EDIL3: variants seen among roughly 807,000 people sequenced by gnomAD.
EDIL3 encodes the protein EGF like and discoidin domains 3.
Under a neutral mutation model 67.4 loss-of-function variants are expected in EDIL3, and 37 were observed. That is an observed-to-expected ratio of 0.55 (90% confidence interval 0.42 to 0.72). EDIL3 has a LOEUF of 0.72. Ranked by LOEUF, EDIL3 falls within the 30% of genes least tolerant of loss-of-function variation. EDIL3 has a pLI of 0.00. For missense variants in EDIL3, 527 were observed against 586.3 expected (o/e 0.90, Z 1.04); for synonymous variants, 195 against 196.3 (o/e 0.99, Z 0.05).
At chr5:84,105,371 T>A (rs901599283) in intron 6 of EDIL3, among the ~76,000 whole-genome samples, 19 of 152,056 alleles carry the variant, frequency 1.2e-4, no homozygotes, top group Non-Finnish European at 2.1e-4. Context: ...AAGAAATGTT[T>A]ATGAGACATA....
intron 6 of EDIL3, among the ~76,000 whole-genome samples, chr5:84,102,326 G>T (rs1183546985): frequency 6.6e-6 from 1 of 151,962 alleles, no homozygotes; most frequent in Non-Finnish European, 1.5e-5. Flanking sequence ...GGGCAATCAG[G>T]CAAGAGAAAA....
chr5:84,038,938 G>A (rs1353706181), intron 9 of EDIL3, among the ~76,000 whole-genome samples: 3 of 152,152 alleles, frequency 2.0e-5, no homozygotes, highest in Non-Finnish European at 1.5e-5. Context: ...GGCACATGCA[G>A]CATATTTTAT....
chr5:84,233,665 A>C (rs1409472738), intron 2 of EDIL3, among the ~76,000 whole-genome samples: 1 of 152,146 alleles, frequency 6.6e-6, no homozygotes, highest in African/African-American at 2.4e-5. Flanking sequence ...AGATATAGGC[A>C]TGTGACCCAT....
intron 4 of EDIL3, among the ~76,000 whole-genome samples, chr5:84,144,518 C>T (rs1318140730): frequency 6.6e-6 from 1 of 152,058 alleles, no homozygotes; most frequent in African/African-American, 2.4e-5. Flanking sequence ...ATTGGTCTGG[C>T]AGACTAGGGG....
intron 2 of EDIL3, among the ~76,000 whole-genome samples, chr5:84,250,147 G>T (rs1473542168): frequency 6.6e-6 from 1 of 152,190 alleles, no homozygotes; most frequent in East Asian, 1.9e-4. Flanking sequence ...TGGTTAATCT[G>T]GGTAATGCCT....
intron 2 of EDIL3, among the ~76,000 whole-genome samples, chr5:84,238,665 G>GTTTTTTTTTTTTTTTTT (rs3046880): frequency 9.9e-6 from 1 of 101,106 alleles, no homozygotes; most frequent in Non-Finnish European, 1.8e-5. Flanking sequence ...AAAATTAAAT[G>GTTTTTTTTTTTTTTTTT]TTTTTTTTTT....
intron 3 of EDIL3, among the ~76,000 whole-genome samples, chr5:84,199,031 G>A (rs1282396021): frequency 6.6e-6 from 1 of 151,838 alleles, no homozygotes. Context: ...TGTTCTAGTG[G>A]GTAGGTAATG....
At chr5:84,064,049 T>C (rs892856377) in intron 8 of EDIL3, among the ~76,000 whole-genome samples, 1 of 152,156 alleles carries the variant, frequency 6.6e-6, no homozygotes, top group African/African-American at 2.4e-5. Flanking sequence ...ATATTGATGT[T>C]CCTGGGGGAC....
intron 1 of EDIL3, among the ~76,000 whole-genome samples, chr5:84,380,337 CT>C (rs1344771084): frequency 6.6e-6 from 1 of 151,944 alleles, no homozygotes; most frequent in African/African-American, 2.4e-5. Flanking sequence ...TGGTTTTCTG[CT>C]TTTTAAAATA....
intron 1 of EDIL3, among the ~76,000 whole-genome samples, chr5:84,320,449 C>T (rs970598062): frequency 1.6e-4 from 24 of 151,832 alleles, no homozygotes; most frequent in Admixed American, 1.3e-4. Context: ...GCTGTATATT[C>T]GCTCAAGTTT....
chr5:84,368,092 A>G (rs568190668), intron 1 of EDIL3, among the ~76,000 whole-genome samples: 2 of 152,318 alleles, frequency 1.3e-5, no homozygotes, highest in East Asian at 3.9e-4. Context: ...TCTGGAATCT[A>G]TTGAGGGCTT....
intron 1 of EDIL3, among the ~76,000 whole-genome samples, chr5:84,375,549 A>T (rs186168586): frequency 1.3e-5 from 2 of 152,316 alleles, no homozygotes; most frequent in South Asian, 2.1e-4. Flanking sequence ...TCTTCATTAC[A>T]CTAGGAGAAA....
chr5:83,956,845 C>A (rs888395478), intron 10 of EDIL3, among the ~76,000 whole-genome samples: 1 of 151,642 alleles, frequency 6.6e-6, no homozygotes, highest in East Asian at 2.0e-4. Flanking sequence ...CATAAATATA[C>A]ATACCTGTCT....
chr5:84,310,666 G>C (rs1158549882), intron 1 of EDIL3, among the ~76,000 whole-genome samples: 1 of 152,004 alleles, frequency 6.6e-6, no homozygotes, highest in Non-Finnish European at 1.5e-5. Flanking sequence ...CTAAGGTCTT[G>C]CTCACCCAGA....
At chr5:84,010,721 T>C (rs531097498) in intron 9 of EDIL3, among the ~76,000 whole-genome samples, 46 of 152,316 alleles carry the variant, frequency 3.0e-4, no homozygotes, top group Non-Finnish European at 6.0e-4. Context: ...AATTCTATCA[T>C]GTTCTTTGTG....
chr5:84,179,526 G>A (rs561637870), intron 4 of EDIL3, among the ~76,000 whole-genome samples: 10 of 152,254 alleles, frequency 6.6e-5, no homozygotes, highest in Admixed American at 3.9e-4. Flanking sequence ...TTTTGCTGGT[G>A]CTTGGATACA....
chr5:83,995,157 TAC>T (rs370763993), intron 9 of EDIL3, among the ~76,000 whole-genome samples: 100 of 149,098 alleles, frequency 6.7e-4, no homozygotes, highest in East Asian at 2.6e-3. Flanking sequence ...CACACACACA[TAC>T]ACACACACAC....
rs377147711 is a variant in EDIL3 at position 83,956,355 on chromosome 5, T to C, written c.1293+6850A>G. On this transcript the variant is annotated intron_variant, in intron 10 of 10. Transcript: ENST00000296591. ...ACCCAGGGCTATTTGCTTGTGGACT[T>C]GCATCCATTTTTTTCTGTCTTGTTT... is the stretch of plus-strand genomic sequence containing the variant. Among the ~76,000 whole-genome samples, 29 of 151,842 alleles carry C rather than the reference T, an allele frequency of 1.9e-4. No homozygotes were observed. In the South Asian group the frequency reaches 5.8e-3, roughly 30 times the overall value.
intron 9 of EDIL3, among the ~76,000 whole-genome samples, chr5:84,023,547 T>C (rs1368642403): frequency 6.6e-6 from 1 of 152,126 alleles, no homozygotes; most frequent in Admixed American, 6.6e-5. Flanking sequence ...TATATGTTTC[T>C]ACTAATTTAA....
Sources: allele counts gnomAD v4.1 joint callset (sites outside exome capture counted in the v4.1 genomes callset), GRCh38; gene constraint gnomAD v4.1.1; transcripts MANE v1.5; gene names NCBI Gene and HGNC (gene_info 2026-07-23, HGNC 2026-07-21).